PTK7: variants seen among roughly 807,000 people sequenced by gnomAD.
PTK7 encodes protein tyrosine kinase 7 (inactive).
Under a neutral mutation model 116.6 loss-of-function variants are expected in PTK7, and 39 were observed. That is an observed-to-expected ratio of 0.33 (90% CI 0.26 to 0.44). PTK7 has a LOEUF of 0.44. Among genes scored for constraint, PTK7 ranks in the 20% least tolerant of loss-of-function variants. PTK7 has a pLI of 1.00. For missense variants in PTK7, 1,169 were observed against 1,425.6 expected (o/e 0.82, Z 2.90); for synonymous variants, 546 against 563.6 (o/e 0.97, Z 0.44).
chr6:43,139,498 A>G lies in PTK7; in HGVS notation c.1591A>G (p.Lys531Glu), dbSNP rs1362850782. The G allele has an allele frequency of 3.7e-6, 6 of 1,614,226 alleles. No individual in the cohort carries two copies. The Admixed American group carries it at 6.7e-5, about 18-fold the overall frequency. Residue 531 changes from lysine to glutamate, a missense_variant, in exon 10 of 20, where the codon AAG becomes GAG. Coordinates refer to ENST00000230419, the MANE Select transcript of PTK7 (RefSeq NM_002821.5). The surrounding 1 kb of genome is among the most constrained non-coding windows in gnomAD (Gnocchi z 4.6). ...TVPCSATGRE[K>E]PTIKWERADG... is the part of the protein sequence containing the mutation. Reference sequence around the variant, plus strand: ...GCCCTGTTCAGCCACAGGCCGAGAGAAGCCCACTATTAAGTGGGAACGGGC... The same window carrying G: ...GCCCTGTTCAGCCACAGGCCGAGAGGAGCCCACTATTAAGTGGGAACGGGC...
intron 7 of PTK7, among the ~76,000 whole-genome samples, chr6:43,137,973 A>G (rs531689264): frequency 1.2e-3 from 181 of 151,942 alleles, no homozygotes; most frequent in African/African-American, 4.1e-3. Context: ...CACCCGGCCA[A>G]TGTTTTTGTA....
At position 43,101,412 on chromosome 6, in the gene PTK7, C is replaced by T. The variant is rs184953153; in HGVS notation, c.79+24845C>T. On this transcript the variant is annotated intron_variant, in intron 1 of 19. Transcript: ENST00000230419. ...CTAAAAATACAAAAAATTAGCCGGG[C>T]GTGGTGGTGGGCACCTGTAGTCCTA... Among the ~76,000 whole-genome samples the T allele has an allele frequency of 4.1e-3, 620 of 151,046 alleles. 4 individuals carry two copies. Among genetic ancestry groups the T allele is most frequent in the Non-Finnish European group, 5.9e-3 (400 of 67,852 alleles).
At chr6:43,099,607 G>A (rs1767454727) in intron 1 of PTK7, among the ~76,000 whole-genome samples, 1 of 152,074 alleles carries the variant, frequency 6.6e-6, no homozygotes, top group Non-Finnish European at 1.5e-5. Flanking sequence ...AAAATTCACT[G>A]TCCCCAGAGA....
chr6:43,078,053 C>A (rs550213010), intron 1 of PTK7, among the ~76,000 whole-genome samples: 123 of 152,372 alleles, frequency 8.1e-4, no homozygotes, highest in African/African-American at 2.6e-3. Flanking sequence ...CACAGGCCCC[C>A]TGGCTGTCCT....
At chr6:43,138,530 G>A (rs139314300) in intron 7 of PTK7, 1 of 216,932 alleles carries the variant, frequency 4.6e-6, no homozygotes, top group African/African-American at 2.3e-5. Flanking sequence ...GTATTGTGGT[G>A]CATGCCTGTG....
At chr6:43,110,638 G>C (rs1256764350) in intron 1 of PTK7, among the ~76,000 whole-genome samples, 2 of 150,552 alleles carry the variant, frequency 1.3e-5, no homozygotes, top group East Asian at 4.0e-4. Flanking sequence ...TTGAGCTCCT[G>C]TCCTCAGGTG....
chr6:43,122,882 C>T (rs1279163934), intron 1 of PTK7, among the ~76,000 whole-genome samples: 3 of 152,066 alleles, frequency 2.0e-5, no homozygotes, highest in Non-Finnish European at 4.4e-5. Flanking sequence ...GTTGGGATTA[C>T]AGGCATGAGC....
At chr6:43,090,243 A>G (rs1766874714) in intron 1 of PTK7, among the ~76,000 whole-genome samples, 1 of 152,244 alleles carries the variant, frequency 6.6e-6, no homozygotes, top group Non-Finnish European at 1.5e-5. Context: ...CCTGGATCAA[A>G]GGAGCCTCCT....
At chr6:43,126,017 G>C (rs999717667) in intron 1 of PTK7, among the ~76,000 whole-genome samples, 1 of 152,092 alleles carries the variant, frequency 6.6e-6, no homozygotes, top group African/African-American at 2.4e-5. Flanking sequence ...GGAGTTGTGG[G>C]TCAAAGATCC....
intron 19 of PTK7, 168 bp downstream of exon 19, chr6:43,160,134 G>A (rs1771762094): frequency 1.3e-6 from 1 of 753,656 alleles, no homozygotes; most frequent in Non-Finnish European, 2.1e-6. Flanking sequence ...TTTTTCTTTT[G>A]AGACGGAGTG....
chr6:43,157,364 A>ATATATATATATATATTT (rs70990168), intron 17 of PTK7, among the ~76,000 whole-genome samples: 1 of 54,356 alleles, frequency 1.8e-5, no homozygotes, highest in Non-Finnish European at 3.3e-5. Context: ...ATATATATAT[A>ATATATATATATATATTT]TTTTTTTTTT....
chr6:43,093,467 A>AC (rs1196967433), intron 1 of PTK7, among the ~76,000 whole-genome samples: 2 of 152,204 alleles, frequency 1.3e-5, no homozygotes, highest in East Asian at 3.9e-4. Context: ...GATTAACAAG[A>AC]CAAGGATACA....
chr6:43,112,594 A>G (rs943871066), intron 1 of PTK7, among the ~76,000 whole-genome samples: 1 of 151,962 alleles, frequency 6.6e-6, no homozygotes, highest in Non-Finnish European at 1.5e-5. Flanking sequence ...TTGTATTTTT[A>G]GTAGAGATGG....
intron 1 of PTK7, among the ~76,000 whole-genome samples, chr6:43,117,289 C>T (rs1768615327): frequency 6.6e-6 from 1 of 152,174 alleles, no homozygotes; most frequent in South Asian, 2.1e-4. Flanking sequence ...TGAGTATGAA[C>T]AACGAGTAGG....
chr6:43,081,032 A>G (rs950421967), intron 1 of PTK7, among the ~76,000 whole-genome samples: 1 of 151,990 alleles, frequency 6.6e-6, no homozygotes, highest in Non-Finnish European at 1.5e-5. Flanking sequence ...TCAGCTTTAC[A>G]GTCATTCCCA....
Position 43,129,654 on chromosome 6 carries a change from T to A in PTK7, c.368-73T>A. The A allele has an allele frequency of 2.3e-6, 3 of 1,325,316 alleles. No homozygotes were observed. The highest frequency in any genetic ancestry group is 3.3e-6 in the Non-Finnish European group (3 of 920,832). The allele number at this position is 1,325,316 out of a possible 1,614,324, so 82.1% of individuals were successfully genotyped here. On this transcript the variant is annotated intron_variant, in intron 2 of 19. Coordinates refer to ENST00000230419, the MANE Select transcript of PTK7 (RefSeq NM_002821.5). The surrounding 1 kb of genome is among the most constrained non-coding windows in gnomAD (Gnocchi z 4.5). ...CCTCGAGGTTCCACGGCTTCCTGCT[T>A]GTCCTCCTTGCCCTCTGCCTTCCCG... is the stretch of plus-strand genomic sequence containing the variant.
rs574806769 is a variant in PTK7 at position 43,129,943 on chromosome 6, C to G, written c.470+114C>G. On this transcript the variant is annotated intron_variant, in intron 3 of 19. Transcript: ENST00000230419. The surrounding 1 kb of genome is among the most constrained non-coding windows in gnomAD (Gnocchi z 4.5). ...CTCCATTCTGTGACCACTCGTTCCACCACCACAGTGCTCTTCACCCTGCCC... is the reference window on the plus strand; with the variant it reads ...CTCCATTCTGTGACCACTCGTTCCAGCACCACAGTGCTCTTCACCCTGCCC... 2.2e-4 allele frequency: 234 copies of G among 1,072,158 alleles called. No homozygotes were observed. The highest frequency in any genetic ancestry group is 3.0e-4 in the Non-Finnish European group (215 of 725,276). 66.4% of individuals were successfully genotyped at this position (1,072,158 alleles called of 1,614,324 possible).
At chr6:43,140,468 A>AT (rs1770332430) in intron 10 of PTK7, among the ~76,000 whole-genome samples, 1 of 151,976 alleles carries the variant, frequency 6.6e-6, no homozygotes, top group Non-Finnish European at 1.5e-5. Context: ...AAAAAAAAAA[A>AT]ATATTGGGAG....
intron 7 of PTK7, chr6:43,132,893 A>G (rs1242654493): frequency 2.8e-5 from 19 of 675,458 alleles, no homozygotes; most frequent in Non-Finnish European, 2.3e-5. Flanking sequence ...GGAAATAGTG[A>G]CAGCCCTCAC....
Sources: gnomAD v4.1 joint callset for allele counts (sites outside exome capture counted in the v4.1 genomes callset) on GRCh38, gnomAD v4.1.1 for gene constraint, Gnocchi (gnomAD v3.1) non-coding constraint, MANE v1.5 for transcripts, NCBI Gene and HGNC (gene_info 2026-07-23, HGNC 2026-07-21) for gene names.